SPATS2: variants seen among roughly 807,000 people sequenced by gnomAD.
SPATS2 encodes spermatogenesis-associated serine-rich protein 2.
Under a neutral mutation model 63.7 loss-of-function variants are expected in SPATS2, and 38 were observed. The observed-to-expected ratio is 0.60, with a 90% confidence interval of 0.46 to 0.78. SPATS2 has a LOEUF of 0.78. SPATS2 is among the 30% of genes least tolerant of loss of function. The pLI is 0.00. For synonymous variants in SPATS2, 207 were observed against 232.9 expected, an observed-to-expected ratio of 0.89 and a Z score of 1.01; for missense variants, 588 against 666.2, an observed-to-expected ratio of 0.88 and a Z score of 1.29.
intron 6 of SPATS2, 95 bp downstream of exon 6, chr12:49,490,826 A>G (rs1946369968): frequency 8.6e-7 from 1 of 1,163,712 alleles, no homozygotes; most frequent in Non-Finnish European, 1.2e-6. Flanking sequence ...GTTCACATAC[A>G]TATCTTCTGT....
intron 2 of SPATS2, among the ~76,000 whole-genome samples, chr12:49,386,366 G>T (rs976630581): frequency 1.2e-4 from 18 of 151,978 alleles, no homozygotes; most frequent in African/African-American, 4.4e-4. Flanking sequence ...GTTTCACCTT[G>T]TTGGCCAGGC....
intron 3 of SPATS2, among the ~76,000 whole-genome samples, chr12:49,470,189 G>A (rs1946010289): frequency 6.6e-6 from 1 of 151,806 alleles, no homozygotes; most frequent in African/African-American, 2.4e-5. Context: ...CCACCACCAC[G>A]CCCAGCTAAT....
chr12:49,444,713 C>T (rs1945481468), intron 2 of SPATS2, among the ~76,000 whole-genome samples: 1 of 152,062 alleles, frequency 6.6e-6, no homozygotes, highest in Admixed American at 6.6e-5. Flanking sequence ...AAGCGATTCT[C>T]CTGTCTCAGC....
intron 9 of SPATS2, chr12:49,512,848 G>A: frequency 7.8e-7 from 1 of 1,287,940 alleles, no homozygotes; most frequent in Non-Finnish European, 1.0e-6. Context: ...TTGTGCTTTT[G>A]TTTTGTCTTT....
intron 9 of SPATS2, among the ~76,000 whole-genome samples, chr12:49,507,632 C>T (rs1055414416): frequency 3.6e-4 from 55 of 152,236 alleles, no homozygotes; most frequent in African/African-American, 1.2e-3. Flanking sequence ...TTATTTCCTG[C>T]GTTCCCTTGT....
At chr12:49,430,096 C>CTTTTT (rs1945156258) in intron 2 of SPATS2, among the ~76,000 whole-genome samples, 1 of 107,382 alleles carries the variant, frequency 9.3e-6, no homozygotes, top group Non-Finnish European at 1.8e-5. Flanking sequence ...TTTCATATTT[C>CTTTTT]TTGTTTTTTT....
In SPATS2 at chr12:49,440,321, T is replaced by C. The variant is rs1011858389; in HGVS notation, c.-243-20449T>C. Among the ~76,000 whole-genome samples, 7 of 152,308 alleles carry C rather than the reference T, an allele frequency of 4.6e-5. 1 individual carries two copies. The East Asian group carries it at 1.4e-3, about 29-fold the overall frequency. ...TGATGTACAGCTCCTTATTTCCATC[T>C]AGCCAGTTGTCCCATTCATGTCCCT... On this transcript the variant is annotated intron_variant, in intron 2 of 13. Transcript: ENST00000552918.
chr12:49,486,327 T>C, intron 4 of SPATS2: 1 of 409,602 alleles, frequency 2.4e-6, no homozygotes, highest in Non-Finnish European at 4.9e-6. Flanking sequence ...TGCCTCAACC[T>C]CCCGTGTAGC....
intron 2 of SPATS2, among the ~76,000 whole-genome samples, chr12:49,440,670 T>C (rs948028914): frequency 6.6e-6 from 1 of 152,128 alleles, no homozygotes; most frequent in Non-Finnish European, 1.5e-5. Flanking sequence ...GGTTTCACCA[T>C]GTTAGCCAGG....
At chr12:49,417,691 C>T (rs1944911383) in intron 2 of SPATS2, among the ~76,000 whole-genome samples, 1 of 152,208 alleles carries the variant, frequency 6.6e-6, no homozygotes, top group Admixed American at 6.5e-5. Context: ...AACCCATCTT[C>T]TCTGATGACC....
chr12:49,436,952 C>T (rs1316388973), intron 2 of SPATS2, among the ~76,000 whole-genome samples: 5 of 138,956 alleles, frequency 3.6e-5, no homozygotes, highest in Admixed American at 3.5e-4. Context: ...GCTGGCCGGG[C>T]AGGGGGCTAA....
chr12:49,463,403 ACT>A lies in SPATS2; in HGVS notation c.25+2369_25+2370del, dbSNP rs1165537306. Reference sequence around the variant, plus strand: ...ACTCCAGCCTGGGCAACAGAGAGAGACTCTGTCTCAAAAAAAAAAAAAAAAAA... The same window carrying A: ...ACTCCAGCCTGGGCAACAGAGAGAGACTGTCTCAAAAAAAAAAAAAAAAAA... On this transcript the variant is annotated intron_variant, in intron 3 of 13. Coordinates refer to ENST00000552918, the MANE Select transcript of SPATS2 (RefSeq NM_023071.4). The A allele has an allele frequency of 2.2e-5, 3 of 136,628 alleles. No homozygotes were observed. In the East Asian group the frequency reaches 6.2e-4, roughly 28 times the overall value. 8.5% of individuals were successfully genotyped at this position (136,628 alleles called of 1,614,324 possible).
chr12:49,477,043 T>G (rs1946130852), intron 3 of SPATS2, among the ~76,000 whole-genome samples: 1 of 151,664 alleles, frequency 6.6e-6, no homozygotes, highest in Non-Finnish European at 1.5e-5. Flanking sequence ...AGGCGGAGGT[T>G]GCAGTGAGCC....
intron 2 of SPATS2, among the ~76,000 whole-genome samples, chr12:49,396,776 T>C (rs1245511970): frequency 6.6e-6 from 1 of 152,262 alleles, no homozygotes; most frequent in Non-Finnish European, 1.5e-5. Context: ...TCTTAATTTA[T>C]GCTCAGTTCC....
At position 49,526,489 on chromosome 12, in the gene SPATS2, A is replaced by G. The variant is rs1947038380; in HGVS notation, c.*234A>G. ...TGATATGGATTGAATCTGGTTGGTC[A>G]TTTCCACCAGGAATCAGAGGCAGCT... On this transcript the variant is annotated 3_prime_UTR_variant, in exon 14 of 14. Transcript: ENST00000552918. 1.1e-5 allele frequency: 6 copies of G among 538,822 alleles called. No homozygotes were observed. Among genetic ancestry groups the G allele is most frequent in the Middle Eastern group, 5.0e-4 (1 of 2,018 alleles). The allele number at this position is 538,822 out of a possible 1,614,324, so 33.4% of individuals were successfully genotyped here.
chr12:49,436,981 G>T (rs978956385), intron 2 of SPATS2, among the ~76,000 whole-genome samples: 1 of 150,370 alleles, frequency 6.7e-6, no homozygotes, highest in Non-Finnish European at 1.5e-5. Flanking sequence ...CCTCCATTCC[G>T]GACTGGGGCG....
At chr12:49,462,304 A>T in intron 3 of SPATS2, 1 of 702,366 alleles carries the variant, frequency 1.4e-6, no homozygotes, top group Non-Finnish European at 2.6e-6. Context: ...CAAGGAAGGA[A>T]CTGGAGGGCA....
At chr12:49,372,213 T>G (rs1944010265) in intron 2 of SPATS2, among the ~76,000 whole-genome samples, 2 of 151,986 alleles carry the variant, frequency 1.3e-5, no homozygotes, top group African/African-American at 2.4e-5. Flanking sequence ...CCTGGCTAAT[T>G]TTTGTCTTTT....
intron 2 of SPATS2, among the ~76,000 whole-genome samples, chr12:49,412,262 T>G (rs1308614844): frequency 6.6e-6 from 1 of 152,078 alleles, no homozygotes; most frequent in Non-Finnish European, 1.5e-5. Context: ...TGGCGCCGTC[T>G]TGGCTCACTG....
Sources: gnomAD v4.1 joint callset for allele counts (sites outside exome capture counted in the v4.1 genomes callset) on GRCh38, gnomAD v4.1.1 for gene constraint, MANE v1.5 for transcripts, NCBI Gene and HGNC (gene_info 2026-07-23, HGNC 2026-07-21) for gene names.